Variants in HEXIM2 observed in about 807,000 individuals in gnomAD.
HEXIM2 encodes protein HEXIM2.
For synonymous variants in HEXIM2, 159 were observed against 162.7 expected (o/e 0.98, Z 0.17); for missense variants, 413 against 390.8 (o/e 1.06, Z -0.48).
In HEXIM2 at chr17:45,169,530, T is replaced by C; in HGVS notation, c.582T>C (p.Ser194=). The change falls in exon 4 of 4, where the codon TCT becomes TCC. Residue 194 remains serine, a synonymous_variant. Transcript: ENST00000589230. ...AHGEFQRKDF[S]ETYERFHTES... is the part of the protein sequence containing the mutation. ...GTGAGTTCCAGCGGAAGGACTTCTC[T>C]GAGACTTACGAACGCTTCCACACCG... 6.3e-7 allele frequency: 1 copy of C among 1,591,124 alleles called. No homozygotes were observed. Among genetic ancestry groups the C allele is most frequent in the Non-Finnish European group, 8.6e-7 (1 of 1,169,212 alleles).
At chr17:45,161,872 G>A (rs1054656846), upstream of HEXIM2, 61 of 985,648 alleles carry the variant, frequency 6.2e-5, no homozygotes, top group Non-Finnish European at 7.1e-5. Context: ...GCGCGTCCAG[G>A]CTCTCTCTTC....
At chr17:45,160,270 A>G (rs2042652886), upstream of HEXIM2, among the ~76,000 whole-genome samples, 1 of 152,204 alleles carries the variant, frequency 6.6e-6, no homozygotes, top group Admixed American at 6.5e-5. Flanking sequence ...CATATGAAGT[A>G]GATAAAAACT....
intron 3 of HEXIM2, among the ~76,000 whole-genome samples, chr17:45,166,306 T>A: frequency 6.6e-6 from 1 of 152,086 alleles, no homozygotes; most frequent in Admixed American, 6.6e-5. Flanking sequence ...TTGTAATTTT[T>A]GGTAGAGATG....
In HEXIM2 at chr17:45,162,034, C is replaced by A; in HGVS notation, c.-193+3C>A. The A allele has an allele frequency of 1.0e-6, 1 of 984,714 alleles. No homozygotes were observed. Among genetic ancestry groups the A allele is most frequent in the Non-Finnish European group, 1.2e-6 (1 of 829,134 alleles). 61.0% of individuals were successfully genotyped at this position (984,714 alleles called of 1,614,324 possible). ...GCATAGCCCTTGACAGCGAATAGGT[C>A]AGTTCCACCTTTGCAAAACCTCTTT... On this transcript the variant is annotated splice_donor_region_variant and intron_variant, in intron 1 of 3. Coordinates refer to ENST00000589230, the MANE Select transcript of HEXIM2 (RefSeq NM_001303441.2).
intron 3 of HEXIM2, among the ~76,000 whole-genome samples, chr17:45,164,449 C>T (rs1047207515): frequency 3.3e-5 from 5 of 149,888 alleles, no homozygotes; most frequent in South Asian, 2.1e-4. Context: ...AGCGAGACTC[C>T]GTCTCAAAAA....
intron 3 of HEXIM2, among the ~76,000 whole-genome samples, chr17:45,167,488 C>T (rs1473583677): frequency 3.3e-5 from 5 of 152,172 alleles, no homozygotes; most frequent in African/African-American, 1.2e-4. Flanking sequence ...GATCCAGTTA[C>T]TTGAGAGGCT....
chr17:45,166,114 G>T (rs190045528), intron 3 of HEXIM2, among the ~76,000 whole-genome samples: 1 of 150,694 alleles, frequency 6.6e-6, no homozygotes, highest in Non-Finnish European at 1.5e-5. Flanking sequence ...TCTTCTTTAT[G>T]CCAGAAGGAT....
chr17:45,161,953 G>T lies in HEXIM2; in HGVS notation c.-271G>T. 2.0e-6 allele frequency: 2 copies of T among 985,594 alleles called. No homozygotes were observed. The highest frequency in any genetic ancestry group is 1.7e-5 in the African/African-American group (1 of 57,374). The allele number at this position is 985,594 out of a possible 1,614,324, so 61.1% of individuals were successfully genotyped here. A position where few individuals can be genotyped will look rare whatever the true frequency, so the allele number is the denominator to read the frequency against. On this transcript the variant is annotated 5_prime_UTR_variant, in exon 1 of 4. Transcript: ENST00000589230. ...CTGCAGCAAGAGGTAGGGCTCAGGC[G>T]TTGGGAATTGCACCGACAGGCAGTC... is the stretch of plus-strand genomic sequence containing the variant.
chr17:45,168,902 G>A, intron 3 of HEXIM2, 113 bp from the exon 4 acceptor site: 1 of 1,026,686 alleles, frequency 9.7e-7, no homozygotes, highest in South Asian at 1.5e-5. Flanking sequence ...GGCTAAGAGT[G>A]ACCAAGTTAG....
chr17:45,162,947 A>T (rs1282178299), intron 3 of HEXIM2, 88 bp downstream of exon 3: 10 of 903,658 alleles, frequency 1.1e-5, no homozygotes, highest in Non-Finnish European at 1.8e-5. Context: ...ATGTGTTGGT[A>T]GATTTGGAAA....
intron 3 of HEXIM2, among the ~76,000 whole-genome samples, chr17:45,163,417 AC>A (rs1211640710): frequency 6.6e-6 from 1 of 152,038 alleles, no homozygotes; most frequent in Non-Finnish European, 1.5e-5. Context: ...GACCTGAAAT[AC>A]CTGTTCCAGA....
rs899313392 is a variant in HEXIM2 at position 45,168,791 on chromosome 17, C to G, written c.67-224C>G. The stretch of plus-strand genomic sequence containing the variant: ...CATTGAAATTACAGAGTGAAACACA[C>G]AGGCAAAATTCCTGCTCTCACCATG... On this transcript the variant is annotated intron_variant, in intron 3 of 3. Coordinates refer to ENST00000589230, the MANE Select transcript of HEXIM2 (RefSeq NM_001303441.2). 5.3e-6 allele frequency: 3 copies of G among 561,050 alleles called. No individual in the cohort carries two copies. In the Admixed American group the frequency reaches 9.6e-5, roughly 18 times the overall value. 34.8% of individuals were successfully genotyped at this position (561,050 alleles called of 1,614,324 possible). A position where few individuals can be genotyped will look rare whatever the true frequency, so the allele number is the denominator to read the frequency against.
At chr17:45,166,649 C>CGA (rs1215171762) in intron 3 of HEXIM2, among the ~76,000 whole-genome samples, 2 of 151,962 alleles carry the variant, frequency 1.3e-5, no homozygotes, top group Non-Finnish European at 2.9e-5. Context: ...ACTAGGGAGG[C>CGA]GAGATGGGGG....
rs1049009779 is a variant in HEXIM2, at chr17:45,164,454, C to CA, written c.66+1604dup. Among the ~76,000 whole-genome samples the CA allele has an allele frequency of 2.0e-4, 29 of 146,872 alleles. No individual in the cohort carries two copies. In the South Asian group the frequency reaches 3.7e-3, roughly 19 times the overall value. ...TGGGCAACAGAGCGAGACTCCGTCT[C>CA]AAAAAAAAACCAAAAAAACAAAAAA... On this transcript the variant is annotated intron_variant, in intron 3 of 3. Coordinates refer to ENST00000589230, the MANE Select transcript of HEXIM2 (RefSeq NM_001303441.2).
At chr17:45,162,343 C>T (rs971443113) in intron 1 of HEXIM2, 145 bp from the exon 2 acceptor site, 21 of 454,138 alleles carry the variant, frequency 4.6e-5, no homozygotes, top group African/African-American at 3.4e-4. Flanking sequence ...GACTCGTGAG[C>T]TTGCTCCATG....
chr17:45,168,130 C>T (rs1358041731), intron 3 of HEXIM2, among the ~76,000 whole-genome samples: 1 of 150,726 alleles, frequency 6.6e-6, no homozygotes, highest in Admixed American at 6.6e-5. Context: ...GTGATCCGCC[C>T]ACCTCGGCCT....
rs753138219 is a variant in HEXIM2 at position 45,169,293 on chromosome 17, G to A, written c.345G>A (p.Gln115=). Residue 115 remains glutamine (Q), a synonymous_variant, in exon 4 of 4, where the codon CAG becomes CAA. Transcript: ENST00000589230. ...AGCTGAGCTGGGCTGAGAAACAACA[G>A]CGGGATGAGAGGCAGAGCCAGAGGG... ...YLELSWAEKQ[Q]RDERQSQRAS... is the part of the protein sequence containing the mutation. 24 of 1,613,788 alleles carry A rather than the reference G, an allele frequency of 1.5e-5. No homozygotes were observed. Among genetic ancestry groups the A allele is most frequent in the Non-Finnish European group, 1.9e-5 (23 of 1,180,050 alleles).
At chr17:45,166,851 C>T (rs999817323) in intron 3 of HEXIM2, among the ~76,000 whole-genome samples, 3 of 151,556 alleles carry the variant, frequency 2.0e-5, no homozygotes, top group Admixed American at 1.3e-4. Context: ...TGGTGAAACC[C>T]CATCTCTACT....
At position 45,169,556 on chromosome 17, in the gene HEXIM2, A is replaced by G; in HGVS notation, c.608A>G (p.Glu203Gly). The change falls in exon 4 of 4, where the codon GAG becomes GGG. Residue 203 changes from glutamate (E) to glycine (G), a missense_variant. Glu to Gly is a moderately conservative substitution (Grantham distance 98). Transcript: ENST00000589230. ...FSETYERFHTESLQGRSKQEL... is the reference protein window; with the variant it reads ...FSETYERFHTGSLQGRSKQEL... ...GAGACTTACGAACGCTTCCACACCG[A>G]GAGCCTGCAGGGCCGCAGCAAGCAG... is the stretch of plus-strand genomic sequence containing the variant. 1 of 1,562,548 alleles carries G rather than the reference A, an allele frequency of 6.4e-7. No individual in the cohort carries two copies. Among genetic ancestry groups the G allele is most frequent in the Admixed American group, 1.9e-5 (1 of 51,642 alleles).
Sources: gnomAD v4.1 joint callset for allele counts (sites outside exome capture counted in the v4.1 genomes callset) on GRCh38, gnomAD v4.1.1 for gene constraint, MANE v1.5 for transcripts, NCBI Gene and HGNC (gene_info 2026-07-23, HGNC 2026-07-21) for gene names.